Variants in ATXN1 observed in about 807,000 individuals in gnomAD.
ATXN1 encodes the protein ataxin-1.
A neutral mutation model predicts 56.4 loss-of-function variants in ATXN1; 8 were observed. That is an observed-to-expected ratio of 0.14 (90% CI 0.08 to 0.26). The LOEUF (loss-of-function observed/expected upper bound fraction) is 0.26, where lower values mean the gene tolerates loss of function less well. Among genes scored for constraint, ATXN1 ranks in the 10% least tolerant of loss-of-function variants. The probability of loss-of-function intolerance (pLI) is 1.00; values close to 1 mark genes in which losing one functional copy is unlikely to be tolerated. For missense variants in ATXN1, 987 were observed against 1,106.5 expected (o/e 0.89, Z 1.53); for synonymous variants, 514 against 494.6 (o/e 1.04, Z -0.52).
At chr6:16,379,783 T>C (rs1156365968) in intron 6 of ATXN1, among the ~76,000 whole-genome samples, 1 of 152,162 alleles carries the variant, frequency 6.6e-6, no homozygotes, top group African/African-American at 2.4e-5. Context: ...GAGAAATAAG[T>C]CAGCAGCAAC....
At chr6:16,497,548 G>A (rs954381614) in intron 5 of ATXN1, among the ~76,000 whole-genome samples, 3 of 152,150 alleles carry the variant, frequency 2.0e-5, no homozygotes, top group East Asian at 1.9e-4. Context: ...ATTCTTGTTC[G>A]TGTGACTTTC....
intron 6 of ATXN1, among the ~76,000 whole-genome samples, chr6:16,366,135 T>C (rs179964): frequency 0.82 from 125,150 of 152,102 alleles, 52,095 homozygotes; most frequent in East Asian, 1. Context: ...CCTATGAGGC[T>C]TTGGTGATAT....
At chr6:16,558,565 C>A (rs1416569005) in intron 4 of ATXN1, among the ~76,000 whole-genome samples, 1 of 151,922 alleles carries the variant, frequency 6.6e-6, no homozygotes, top group Non-Finnish European at 1.5e-5. Context: ...AAAACAGGGT[C>A]TCCCTGTGTT....
At chr6:16,488,450 C>A (rs1171852805) in intron 5 of ATXN1, among the ~76,000 whole-genome samples, 15 of 152,214 alleles carry the variant, frequency 9.9e-5, no homozygotes, top group Admixed American at 9.2e-4. Flanking sequence ...GTTCCGTCAA[C>A]CTTCTCTCTT....
At chr6:16,532,420 C>G (rs1761522946) in intron 4 of ATXN1, among the ~76,000 whole-genome samples, 1 of 152,050 alleles carries the variant, frequency 6.6e-6, no homozygotes, top group Admixed American at 6.6e-5. Flanking sequence ...TACATATGTG[C>G]AAAGGGAACA....
chr6:16,491,437 A>C lies in ATXN1; in HGVS notation c.-298-5328T>G, dbSNP rs554393112. Among the ~76,000 whole-genome samples, 6 of 151,978 alleles carry C rather than the reference A, an allele frequency of 3.9e-5. No homozygotes were observed. In the East Asian group the frequency reaches 1.2e-3, roughly 29 times the overall value. On this transcript the variant is annotated intron_variant, in intron 5 of 7. Coordinates refer to ENST00000436367, the MANE Select transcript of ATXN1 (RefSeq NM_001128164.2). Reference sequence around the variant, plus strand: ...GTAGCTGGGACTGCAGGCACCAGCCACTACGCCCGGCTAATTTTTGGTATT... The same window carrying C: ...GTAGCTGGGACTGCAGGCACCAGCCCCTACGCCCGGCTAATTTTTGGTATT...
In ATXN1 at chr6:16,304,783, A is replaced by G. The variant is rs1410982001; in HGVS notation, c.*1546T>C. The stretch of plus-strand genomic sequence containing the variant: ...ACTGCAGGAATATCACACAAGTTAT[A>G]AACTCAATATGTGCAAATCGCAAGG... On this transcript the variant is annotated 3_prime_UTR_variant, in exon 8 of 8. Transcript: ENST00000436367. 1.3e-5 allele frequency: 2 copies of G among 152,696 alleles called. No homozygotes were observed. Among genetic ancestry groups the G allele is most frequent in the Non-Finnish European group, 2.9e-5 (2 of 68,048 alleles). The allele number at this position is 152,696 out of a possible 1,614,324, so 9.5% of individuals were successfully genotyped here.
intron 1 of ATXN1, among the ~76,000 whole-genome samples, chr6:16,757,261 C>T (rs1209382223): frequency 6.6e-6 from 1 of 152,138 alleles, no homozygotes; most frequent in Non-Finnish European, 1.5e-5. Flanking sequence ...AAACGAAATC[C>T]GCAAGGAAAA....
chr6:16,518,257 T>C (rs1289517396), intron 5 of ATXN1, among the ~76,000 whole-genome samples: 1 of 152,212 alleles, frequency 6.6e-6, no homozygotes, highest in East Asian at 1.9e-4. Context: ...ATTTCCCTTA[T>C]GCCCTCTGAC....
chr6:16,415,935 G>A (rs1445521523), intron 6 of ATXN1, among the ~76,000 whole-genome samples: 1 of 152,060 alleles, frequency 6.6e-6, no homozygotes, highest in Non-Finnish European at 1.5e-5. Context: ...AAAAGAAGGA[G>A]GGGAAATTTT....
chr6:16,473,629 G>A (rs1185559434), intron 6 of ATXN1, among the ~76,000 whole-genome samples: 4 of 152,138 alleles, frequency 2.6e-5, no homozygotes, highest in Non-Finnish European at 4.4e-5. Flanking sequence ...CAGCCCCTTG[G>A]TAGGTGTTTA....
intron 6 of ATXN1, among the ~76,000 whole-genome samples, chr6:16,422,441 C>T (rs967028512): frequency 2.0e-5 from 3 of 152,182 alleles, no homozygotes; most frequent in Admixed American, 1.3e-4. Flanking sequence ...ACAGCCATAA[C>T]TGCATTTATT....
In ATXN1 at chr6:16,562,680, T is replaced by C. The variant is rs780664734; in HGVS notation, c.-361+23100A>G. Among the ~76,000 whole-genome samples, 3 of 152,064 alleles carry C rather than the reference T, an allele frequency of 2.0e-5. No individual in the cohort carries two copies. The South Asian group carries it at 6.2e-4, about 32-fold the overall frequency. On this transcript the variant is annotated intron_variant, in intron 4 of 7. Transcript: ENST00000436367. ...CATTGGGCCGAGAAGTTTCCAGTGC[T>C]TGGATGACAGAGAAGAACTGGTGAC...
chr6:16,702,587 C>T (rs768976768), intron 2 of ATXN1, among the ~76,000 whole-genome samples: 10 of 152,132 alleles, frequency 6.6e-5, no homozygotes, highest in Admixed American at 1.3e-4. Context: ...ATCTACTCAT[C>T]GGACAAAGGG....
rs910480276 is a variant in ATXN1 at position 16,466,656 on chromosome 6, C to G, written c.-161+19316G>C. ...GAGAAGAAATTTCGGAAAAGTAGAT[C>G]AAGCACGATTCTATTTCTGTAAAGC... On this transcript the variant is annotated intron_variant, in intron 6 of 7. Coordinates refer to ENST00000436367, the MANE Select transcript of ATXN1 (RefSeq NM_001128164.2). Among the ~76,000 whole-genome samples the G allele has an allele frequency of 7.2e-5, 11 of 152,098 alleles. No individual in the cohort carries two copies. In the East Asian group the frequency reaches 1.9e-3, roughly 27 times the overall value.
chr6:16,574,541 C>A (rs1359581384), intron 4 of ATXN1, among the ~76,000 whole-genome samples: 1 of 152,188 alleles, frequency 6.6e-6, no homozygotes, highest in Non-Finnish European at 1.5e-5. Context: ...GATGGGGTTT[C>A]ACCATGTTGG....
chr6:16,489,844 T>C (rs1015169724), intron 5 of ATXN1, among the ~76,000 whole-genome samples: 4 of 151,976 alleles, frequency 2.6e-5, no homozygotes, highest in African/African-American at 9.7e-5. Context: ...CGAATAGAAA[T>C]GGCTAGAGGG....
intron 2 of ATXN1, among the ~76,000 whole-genome samples, chr6:16,671,658 C>A (rs1404097791): frequency 6.6e-6 from 1 of 152,180 alleles, no homozygotes; most frequent in Non-Finnish European, 1.5e-5. Flanking sequence ...GTCATTAGTT[C>A]TTACTGAACA....
At chr6:16,541,187 CTG>C (rs1394699665) in intron 4 of ATXN1, among the ~76,000 whole-genome samples, 1 of 152,214 alleles carries the variant, frequency 6.6e-6, no homozygotes, top group Non-Finnish European at 1.5e-5. Flanking sequence ...TGGGGAGCCT[CTG>C]GGGCTTTGCA....
Sources: allele counts gnomAD v4.1 joint callset (sites outside exome capture counted in the v4.1 genomes callset), GRCh38; gene constraint gnomAD v4.1.1; transcripts MANE v1.5; gene names NCBI Gene and HGNC (gene_info 2026-07-23, HGNC 2026-07-21).